The following GRIK3 variants were observed in gnomAD, a reference collection of about 807,000 sequenced individuals.
GRIK3 encodes the protein glutamate receptor ionotropic, kainate 3.
Under a neutral mutation model 102.5 loss-of-function variants are expected in GRIK3, and 29 were observed. The observed-to-expected ratio is 0.28, with a 90% CI of 0.21 to 0.39. GRIK3 has a LOEUF of 0.39. Ranked by LOEUF, GRIK3 falls within the 10% of genes least tolerant of loss-of-function variation. GRIK3 has a pLI of 1.00. For missense variants in GRIK3, 908 were observed against 1,252.4 expected (o/e 0.73, Z 4.15); for synonymous variants, 511 against 504.9 (o/e 1.01, Z -0.16).
intron 1 of GRIK3, among the ~76,000 whole-genome samples, chr1:36,915,953 C>A (rs572140768): frequency 6.6e-6 from 1 of 152,142 alleles, no homozygotes; most frequent in South Asian, 2.1e-4. Flanking sequence ...GGGTAACGGG[C>A]AGAGGTTGGA....
intron 9 of GRIK3, among the ~76,000 whole-genome samples, chr1:36,849,057 C>T (rs576789525): frequency 2.0e-5 from 3 of 152,148 alleles, no homozygotes; most frequent in Non-Finnish European, 4.4e-5. Flanking sequence ...ATCCTAACCC[C>T]GAGGGCCGAT....
chr1:36,887,132 T>C lies in GRIK3; in HGVS notation c.292+3788A>G, dbSNP rs61587089. On this transcript the variant is annotated intron_variant, in intron 2 of 15. Transcript: ENST00000373091. Reference sequence around the variant, plus strand: ...ATGGAAGGTTTTACTCCCATCAGCATTGTATAGAAAAAATAAGCCCAAACC... The same window carrying C: ...ATGGAAGGTTTTACTCCCATCAGCACTGTATAGAAAAAATAAGCCCAAACC... 6.4e-3 allele frequency among the ~76,000 whole-genome samples: 975 copies of C among 152,256 alleles called. 10 individuals carry two copies. Among genetic ancestry groups the C allele is most frequent in the African/African-American group, 0.022 (908 of 41,540 alleles).
At chr1:37,012,316 T>C (rs1570865090) in intron 1 of GRIK3, among the ~76,000 whole-genome samples, 1 of 152,318 alleles carries the variant, frequency 6.6e-6, no homozygotes, top group East Asian at 1.9e-4. Flanking sequence ...GCAGGATCAC[T>C]GTATTTTATG....
intron 1 of GRIK3, among the ~76,000 whole-genome samples, chr1:36,953,724 C>A (rs1200029342): frequency 6.6e-6 from 1 of 151,934 alleles, no homozygotes; most frequent in Non-Finnish European, 1.5e-5. Flanking sequence ...AAGGTGCCAG[C>A]TGGGGCTGAG....
chr1:36,832,557 G>A (rs1386246534), intron 10 of GRIK3, among the ~76,000 whole-genome samples: 3 of 152,192 alleles, frequency 2.0e-5, no homozygotes, highest in South Asian at 2.1e-4. Flanking sequence ...AGTGTCAACC[G>A]ATGGGTCAAC....
chr1:36,910,331 T>C (rs565426475), intron 1 of GRIK3, among the ~76,000 whole-genome samples: 11 of 152,390 alleles, frequency 7.2e-5, no homozygotes, highest in African/African-American at 2.6e-4. Flanking sequence ...TGGAGATTAA[T>C]TGAGACGTGG....
intron 1 of GRIK3, among the ~76,000 whole-genome samples, chr1:36,954,174 A>AG (rs1418018230): frequency 1.3e-5 from 2 of 152,158 alleles, no homozygotes; most frequent in African/African-American, 4.8e-5. Context: ...GGTGAGATAG[A>AG]GGGGGGCATT....
intron 1 of GRIK3, among the ~76,000 whole-genome samples, chr1:36,924,028 A>G (rs1641501163): frequency 6.6e-6 from 1 of 152,138 alleles, no homozygotes; most frequent in Non-Finnish European, 1.5e-5. Flanking sequence ...ACAGCTGCAT[A>G]GAAAGTGAAG....
chr1:36,946,159 AG>A (rs60905861), intron 1 of GRIK3, among the ~76,000 whole-genome samples: 10,641 of 152,294 alleles, frequency 0.07, 1,193 homozygotes, highest in African/African-American at 0.23. Context: ...GGCCCAGGCC[AG>A]GGGACAGGAG....
chr1:36,988,890 G>A (rs758849247), intron 1 of GRIK3, among the ~76,000 whole-genome samples: 3 of 152,130 alleles, frequency 2.0e-5, no homozygotes, highest in South Asian at 4.2e-4. Flanking sequence ...TGAAACACCC[G>A]CGCTTTATAA....
At chr1:36,848,279 A>G (rs915954167) in intron 9 of GRIK3, among the ~76,000 whole-genome samples, 2 of 152,150 alleles carry the variant, frequency 1.3e-5, no homozygotes, top group African/African-American at 4.8e-5. Context: ...CTTACTGTTC[A>G]GAGTATTGTT....
intron 1 of GRIK3, among the ~76,000 whole-genome samples, chr1:36,941,459 G>T (rs1376603598): frequency 6.6e-6 from 1 of 152,222 alleles, no homozygotes; most frequent in Non-Finnish European, 1.5e-5. Flanking sequence ...AGAGGCCCGG[G>T]CTGGGGGTGG....
intron 1 of GRIK3, among the ~76,000 whole-genome samples, chr1:36,914,382 A>G (rs1424797978): frequency 1.3e-5 from 2 of 152,206 alleles, no homozygotes; most frequent in Admixed American, 6.5e-5. Context: ...AACAAGGTTG[A>G]GCAGGTTTCT....
At chr1:36,831,692 A>G (rs563231694) in intron 10 of GRIK3, among the ~76,000 whole-genome samples, 3 of 152,352 alleles carry the variant, frequency 2.0e-5, no homozygotes, top group East Asian at 1.9e-4. Flanking sequence ...CAATATGGCA[A>G]CTGCGGGCCA....
At chr1:36,815,184 C>T (rs528137) in intron 13 of GRIK3, among the ~76,000 whole-genome samples, 30,550 of 152,208 alleles carry the variant, frequency 0.2, 3,831 homozygotes, top group African/African-American at 0.36. Flanking sequence ...AAATACACAG[C>T]AGTGACCTCT....
chr1:37,006,320 G>C (rs1016032108), intron 1 of GRIK3, among the ~76,000 whole-genome samples: 1 of 152,176 alleles, frequency 6.6e-6, no homozygotes, highest in Non-Finnish European at 1.5e-5. Context: ...CCTCGATAAC[G>C]CAACGAGGGA....
At chr1:36,951,264 A>G (rs1641840289) in intron 1 of GRIK3, among the ~76,000 whole-genome samples, 2 of 152,242 alleles carry the variant, frequency 1.3e-5, no homozygotes, top group South Asian at 4.1e-4. Flanking sequence ...TCTGAAGGGA[A>G]GGACCAACAG....
intron 1 of GRIK3, among the ~76,000 whole-genome samples, chr1:36,912,530 T>C (rs1641357418): frequency 6.6e-6 from 1 of 151,962 alleles, no homozygotes. Context: ...ATGGTCCTGA[T>C]TCCTGGAGCC....
chr1:36,957,436 CTCTGTGAGTCTGTG>C (rs1557440309), intron 1 of GRIK3, among the ~76,000 whole-genome samples: 98 of 93,014 alleles, frequency 1.1e-3, no homozygotes, highest in East Asian at 1.7e-3. Context: ...AGCCTCTGTG[CTCTGTGAGTCTGTG>C]CCCTGTGAGC....
Sources: allele counts gnomAD v4.1 joint callset (sites outside exome capture counted in the v4.1 genomes callset), GRCh38; gene constraint gnomAD v4.1.1; transcripts MANE v1.5; gene names NCBI Gene and HGNC (gene_info 2026-07-23, HGNC 2026-07-21).